FXN: variants seen among roughly 807,000 people sequenced by gnomAD.
FXN encodes the protein frataxin.
Under a neutral mutation model 22.4 loss-of-function variants are expected in FXN, and 14 were observed. The observed-to-expected ratio is 0.62, with a 90% CI of 0.41 to 0.98. The LOEUF is 0.98. Ranked by LOEUF, FXN falls within the 50% of genes least tolerant of loss-of-function variation. The pLI is 0.00. For synonymous variants in FXN, 120 were observed against 114.1 expected (o/e 1.05, Z -0.33); for missense variants, 267 against 268.4 (o/e 0.99, Z 0.04).
intron 1 of FXN, among the ~76,000 whole-genome samples, chr9:69,037,069 C>A (rs1304493027): frequency 6.6e-6 from 1 of 151,994 alleles, no homozygotes; most frequent in Non-Finnish European, 1.5e-5. Context: ...TTATTTGGCC[C>A]ACATTGTGTT....
chr9:69,053,388 A>G (rs1373407227), intron 3 of FXN, 128 bp downstream of exon 3: 4 of 1,212,460 alleles, frequency 3.3e-6, no homozygotes, highest in African/African-American at 1.5e-5. Context: ...TTAAAAGACT[A>G]GGGTTCCGGG....
chr9:69,056,507 A>C (rs74478254), intron 3 of FXN, among the ~76,000 whole-genome samples: 1,953 of 152,312 alleles, frequency 0.013, 20 homozygotes, highest in South Asian at 0.02. Flanking sequence ...ATATCTACAT[A>C]ACCTAGCTAT....
chr9:69,074,882 C>T lies in FXN; in HGVS notation c.*2120C>T, dbSNP rs1832338867. On this transcript the variant is annotated 3_prime_UTR_variant, in exon 5 of 5. Transcript: ENST00000484259. ...CCAGTGCCAGTGAGAAAATAAATAACATCATACATGTTTGTATGTGTTTGC... is the reference window on the plus strand; with the variant it reads ...CCAGTGCCAGTGAGAAAATAAATAATATCATACATGTTTGTATGTGTTTGC... 1.0e-6 allele frequency: 1 copy of T among 985,082 alleles called. No individual in the cohort carries two copies. The highest frequency in any genetic ancestry group is 1.1e-4 in the East Asian group (1 of 8,828). The allele number at this position is 985,082 out of a possible 1,614,324, so 61.0% of individuals were successfully genotyped here. A position where few individuals can be genotyped will look rare whatever the true frequency, so the allele number is the denominator to read the frequency against.
rs1832377322 is a variant in FXN, at chr9:69,076,758, A to T, written c.*3996A>T. ...ATGAAAGTAATTTTAGTCCGTGTCC[A>T]GTTGGATTCTTGGCACATAGTTATC... On this transcript the variant is annotated 3_prime_UTR_variant, in exon 5 of 5. Transcript: ENST00000484259. 1.0e-6 allele frequency: 1 copy of T among 985,312 alleles called. No individual in the cohort carries two copies. The allele number at this position is 985,312 out of a possible 1,614,324, so 61.0% of individuals were successfully genotyped here. A position where few individuals can be genotyped will look rare whatever the true frequency, so the allele number is the denominator to read the frequency against.
Position 69,077,173 on chromosome 9 carries a change from A to G in FXN, c.*4411A>G, listed in dbSNP as rs1337972751. The stretch of plus-strand genomic sequence containing the variant: ...GTAATCCACCTGCCTCCGCCTCCCA[A>G]AGTGCTGGGATTACAGGCGTGAGCC... On this transcript the variant is annotated 3_prime_UTR_variant, in exon 5 of 5. Coordinates refer to ENST00000484259, the MANE Select transcript of FXN (RefSeq NM_000144.5). The G allele has an allele frequency of 3.3e-6, 3 of 912,100 alleles. No homozygotes were observed. Among genetic ancestry groups the G allele is most frequent in the Middle Eastern group, 5.5e-4 (1 of 1,802 alleles). The allele number at this position is 912,100 out of a possible 1,614,324, so 56.5% of individuals were successfully genotyped here.
chr9:69,052,322 T>C (rs1831868329), intron 2 of FXN, among the ~76,000 whole-genome samples: 1 of 151,674 alleles, frequency 6.6e-6, no homozygotes, highest in Non-Finnish European at 1.5e-5. Flanking sequence ...CCCAGCTAAT[T>C]TTTGTATTTT....
At chr9:69,062,713 G>A (rs753130226) in intron 3 of FXN, among the ~76,000 whole-genome samples, 50 of 151,976 alleles carry the variant, frequency 3.3e-4, no homozygotes, top group Non-Finnish European at 6.6e-4. Flanking sequence ...GTAGACAGGT[G>A]GTTACTAAGG....
chr9:69,039,519 AC>A (rs10710603), intron 1 of FXN, among the ~76,000 whole-genome samples: 58,698 of 151,908 alleles, frequency 0.39, 12,178 homozygotes, highest in Non-Finnish European at 0.46. Context: ...CCCCAGCCTT[AC>A]CTACCTGGAG....
chr9:69,035,803 C>A lies in FXN; in HGVS notation c.21C>A (p.Arg7=). The change falls in exon 1 of 5, where the codon CGC becomes CGA. Residue 7 remains arginine, a synonymous_variant. Transcript: ENST00000484259. Reference sequence around the variant, plus strand: ...GCAGCATGTGGACTCTCGGGCGCCGCGCAGTAGCCGGCCTCCTGGCGTCAC... The same window carrying A: ...GCAGCATGTGGACTCTCGGGCGCCGAGCAGTAGCCGGCCTCCTGGCGTCAC... MWTLGR[R]AVAGLLASPS... The A allele has an allele frequency of 6.6e-7, 1 of 1,511,026 alleles. No homozygotes were observed. Among genetic ancestry groups the A allele is most frequent in the Non-Finnish European group, 8.8e-7 (1 of 1,136,450 alleles). 93.6% of individuals were successfully genotyped at this position (1,511,026 alleles called of 1,614,324 possible). A position where few individuals can be genotyped will look rare whatever the true frequency, so the allele number is the denominator to read the frequency against.
chr9:69,065,085 G>A (rs1182943190), intron 4 of FXN, 50 bp downstream of exon 4: 14 of 1,372,568 alleles, frequency 1.0e-5, no homozygotes, highest in African/African-American at 4.3e-5. Flanking sequence ...AAAGACTTCC[G>A]AAATGTGACA....
Position 69,077,338 on chromosome 9 carries a change from A to G in FXN, c.*4576A>G, listed in dbSNP as rs1252458705. On this transcript the variant is annotated 3_prime_UTR_variant, in exon 5 of 5. Transcript: ENST00000484259. Reference sequence around the variant, plus strand: ...GCTCACTTATATCCCTGCATCCGCTACAGAGACAGAATCCAAGCTCATATG... The same window carrying G: ...GCTCACTTATATCCCTGCATCCGCTGCAGAGACAGAATCCAAGCTCATATG... The G allele has an allele frequency of 2.0e-6, 2 of 985,362 alleles. No individual in the cohort carries two copies. The highest frequency in any genetic ancestry group is 2.4e-6 in the Non-Finnish European group (2 of 829,952). The allele number at this position is 985,362 out of a possible 1,614,324, so 61.0% of individuals were successfully genotyped here.
At chr9:69,072,227 T>C (rs1832288407) in intron 4 of FXN, among the ~76,000 whole-genome samples, 1 of 152,232 alleles carries the variant, frequency 6.6e-6, no homozygotes, top group Admixed American at 6.5e-5. Context: ...GAATTTCACC[T>C]TAACAACTAA....
intron 1 of FXN, among the ~76,000 whole-genome samples, chr9:69,038,104 G>A (rs570196790): frequency 6.6e-6 from 1 of 152,364 alleles, no homozygotes; most frequent in Admixed American, 6.5e-5. Context: ...TAGATGGTTA[G>A]CAACCTCTGT....
rs35159671 is a variant in FXN at position 69,059,391 on chromosome 9, C to CTTTTTTTTTTTTT, written c.385-5532_385-5520dup. ...AAAAACCCCTGCTCAGAGGCAGCAT[C>CTTTTTTTTTTTTT]TTTTTTTTTTTTTTTTTTTTTTTTT... On this transcript the variant is annotated intron_variant, in intron 3 of 4. Coordinates refer to ENST00000484259, the MANE Select transcript of FXN (RefSeq NM_000144.5). 1.4e-4 allele frequency among the ~76,000 whole-genome samples: 9 copies of CTTTTTTTTTTTTT among 62,996 alleles called. 4 individuals carry two copies. Among genetic ancestry groups the CTTTTTTTTTTTTT allele is most frequent in the Admixed American group, 5.8e-4 (2 of 3,434 alleles). 41.3% of individuals were successfully genotyped at this position (62,996 alleles called of 152,430 possible).
intron 2 of FXN, among the ~76,000 whole-genome samples, chr9:69,051,829 A>G (rs775037912): frequency 1.3e-4 from 20 of 152,222 alleles, no homozygotes; most frequent in Non-Finnish European, 2.6e-4. Context: ...GATAGCATTT[A>G]CTGAATCAGA....
chr9:69,069,413 T>C (rs1030300229), intron 4 of FXN, among the ~76,000 whole-genome samples: 5 of 152,146 alleles, frequency 3.3e-5, no homozygotes, highest in Admixed American at 2.6e-4. Flanking sequence ...AAACAGGCCA[T>C]GAATGTTGGA....
At chr9:69,059,848 C>T (rs1832034058) in intron 3 of FXN, among the ~76,000 whole-genome samples, 1 of 152,144 alleles carries the variant, frequency 6.6e-6, no homozygotes, top group South Asian at 2.1e-4. Flanking sequence ...GTGACATTAA[C>T]CTCCTCTCTT....
At chr9:69,048,713 C>T (rs1304021680) in intron 2 of FXN, among the ~76,000 whole-genome samples, 3 of 152,152 alleles carry the variant, frequency 2.0e-5, no homozygotes, top group Non-Finnish European at 1.5e-5. Context: ...TTATTCTTTT[C>T]TTGTCACATC....
chr9:69,042,691 AACAC>A (rs148566764), intron 1 of FXN, among the ~76,000 whole-genome samples: 1 of 151,856 alleles, frequency 6.6e-6, no homozygotes, highest in African/African-American at 2.4e-5. Flanking sequence ...TATTAAATTA[AACAC>A]ACACACACAC....
Sources: gnomAD v4.1 joint callset for allele counts (sites outside exome capture counted in the v4.1 genomes callset) on GRCh38, gnomAD v4.1.1 for gene constraint, MANE v1.5 for transcripts, NCBI Gene and HGNC (gene_info 2026-07-23, HGNC 2026-07-21) for gene names.